Variants in JMJD1C observed in about 807,000 individuals in gnomAD.
The protein encoded by JMJD1C is jumonji domain containing 1C.
In JMJD1C, 31 loss-of-function variants were observed where a neutral mutation model predicts 245.3. The ratio of observed to expected loss-of-function variants is 0.13; its 90% CI spans 0.09 to 0.17. The LOEUF is 0.17. JMJD1C is among the 10% of genes least tolerant of loss of function. JMJD1C has a pLI of 1.00. For synonymous variants in JMJD1C, 1,057 were observed against 1,017.4 expected (o/e 1.04, Z -0.74); for missense variants, 2,691 against 3,000.2 (o/e 0.90, Z 2.41).
chr10:63,510,803 A>G (rs1356892108), intron 1 of JMJD1C, among the ~76,000 whole-genome samples: 1 of 152,240 alleles, frequency 6.6e-6, no homozygotes. Context: ...GTGTCCAATT[A>G]TAATAGTACA....
At chr10:63,406,325 T>A (rs1041792651) in intron 1 of JMJD1C, among the ~76,000 whole-genome samples, 1 of 152,200 alleles carries the variant, frequency 6.6e-6, no homozygotes, top group Non-Finnish European at 1.5e-5. Context: ...GCATCTCCAA[T>A]GTGTGGAAAA....
upstream of JMJD1C, among the ~76,000 whole-genome samples, chr10:63,470,604 G>C (rs913343610): frequency 6.6e-6 from 1 of 152,164 alleles, no homozygotes; most frequent in African/African-American, 2.4e-5. Flanking sequence ...GATCCTATGA[G>C]TGTATATCCA....
chr10:63,256,920 T>C (rs1307370549), intron 3 of JMJD1C, among the ~76,000 whole-genome samples: 1 of 152,144 alleles, frequency 6.6e-6, no homozygotes, highest in Admixed American at 6.6e-5. Context: ...CCTGTCAAAA[T>C]ATAATCCAGA....
chr10:63,318,328 C>G (rs538156603), intron 2 of JMJD1C, among the ~76,000 whole-genome samples: 1 of 152,182 alleles, frequency 6.6e-6, no homozygotes, highest in East Asian at 1.9e-4. Context: ...CCACCCCCAG[C>G]TTGATCTTTT....
In JMJD1C at chr10:63,363,856, T is replaced by TTC. The variant is rs534142923; in HGVS notation, c.333+16461_333+16462insGA. On this transcript the variant is annotated intron_variant, in intron 2 of 25. Transcript: ENST00000399262. ...TACACGCCACCATGCCTGGCTAATT[T>TTC]TTTTTTTTTTTTTTTTTGAGACAGA... Among the ~76,000 whole-genome samples the TTC allele has an allele frequency of 1.0e-4, 15 of 148,088 alleles. No individual in the cohort carries two copies. The South Asian group carries it at 3.3e-3, about 32-fold the overall frequency.
intron 13 of JMJD1C, 141 bp downstream of exon 13, chr10:63,197,267 TCTC>T (rs1265091009): frequency 1.4e-5 from 9 of 656,468 alleles, no homozygotes; most frequent in African/African-American, 9.5e-5. Flanking sequence ...TGTGGTTACT[TCTC>T]CTCTTAAAAA....
intron 5 of JMJD1C, 67 bp from the exon 6 acceptor site, chr10:63,215,763 TTCTTTAC>T (rs1847904499): frequency 9.0e-7 from 1 of 1,109,580 alleles, no homozygotes; most frequent in African/African-American, 1.6e-5. Context: ...TTGGTATAAT[TTCTTTAC>T]TCAGTAGAAA....
chr10:63,415,965 C>T (rs1949776847), intron 1 of JMJD1C, among the ~76,000 whole-genome samples: 1 of 152,124 alleles, frequency 6.6e-6, no homozygotes, highest in Admixed American at 6.5e-5. Context: ...AGCTGAACCC[C>T]CACAACTACA....
At chr10:63,307,857 C>T (rs529204143) in intron 2 of JMJD1C, among the ~76,000 whole-genome samples, 1 of 152,122 alleles carries the variant, frequency 6.6e-6, no homozygotes, top group Admixed American at 6.6e-5. Flanking sequence ...CAAACCAAAA[C>T]TGGGAAATCA....
intron 2 of JMJD1C, among the ~76,000 whole-genome samples, chr10:63,292,187 G>A (rs1858858799): frequency 9.2e-6 from 1 of 108,570 alleles, no homozygotes; most frequent in Non-Finnish European, 1.8e-5. Context: ...TTGAACTCCT[G>A]GTCTCAAGTG....
rs1408814474 is a variant in JMJD1C at position 63,194,437 on chromosome 10, A to G, written c.5645-62T>C. Reference sequence around the variant, plus strand: ...TTTCATAATTATAAATTGATAGTGTAAAGAACTTAACGATTATATAAAATG... The same window carrying G: ...TTTCATAATTATAAATTGATAGTGTGAAGAACTTAACGATTATATAAAATG... On this transcript the variant is annotated intron_variant, in intron 13 of 25. Coordinates refer to ENST00000399262, the MANE Select transcript of JMJD1C (RefSeq NM_032776.3). The G allele has an allele frequency of 6.3e-6, 7 of 1,108,400 alleles. No homozygotes were observed. The East Asian group carries it at 1.7e-4, about 26-fold the overall frequency. The allele number at this position is 1,108,400 out of a possible 1,614,324, so 68.7% of individuals were successfully genotyped here.
intron 2 of JMJD1C, among the ~76,000 whole-genome samples, chr10:63,308,314 G>A (rs144042410): frequency 6.6e-6 from 1 of 152,172 alleles, no homozygotes; most frequent in Non-Finnish European, 1.5e-5. Context: ...CAGTCTAGGA[G>A]ATGATATCTC....
At chr10:63,383,077 T>C (rs1223795917) in intron 1 of JMJD1C, among the ~76,000 whole-genome samples, 2 of 152,296 alleles carry the variant, frequency 1.3e-5, no homozygotes, top group East Asian at 1.9e-4. Flanking sequence ...CAGTGCTGCA[T>C]ACATATAAAG....
chr10:63,230,769 T>C (rs375697097), intron 3 of JMJD1C, among the ~76,000 whole-genome samples: 43 of 136,764 alleles, frequency 3.1e-4, no homozygotes, highest in East Asian at 1.1e-3. Context: ...AGTGAGACTG[T>C]CCCCCCCCCC....
At chr10:63,172,965 G>A (rs949683369) in intron 24 of JMJD1C, among the ~76,000 whole-genome samples, 2 of 150,014 alleles carry the variant, frequency 1.3e-5, no homozygotes, top group Non-Finnish European at 3.0e-5. Context: ...TTTTTAACAA[G>A]GTCACTTTGA....
At chr10:63,216,000 T>A (rs1218510097) in intron 5 of JMJD1C, among the ~76,000 whole-genome samples, 1 of 152,216 alleles carries the variant, frequency 6.6e-6, no homozygotes, top group Non-Finnish European at 1.5e-5. Context: ...TACTTTTTAT[T>A]TTTAAATAGA....
intron 2 of JMJD1C, among the ~76,000 whole-genome samples, chr10:63,360,440 GAT>G (rs1226333917): frequency 2.0e-5 from 3 of 152,166 alleles, no homozygotes; most frequent in Admixed American, 1.3e-4. Flanking sequence ...CTACTCTGTG[GAT>G]ATGTTTTAAT....
intron 3 of JMJD1C, among the ~76,000 whole-genome samples, chr10:63,247,817 A>G (rs1313103873): frequency 6.8e-6 from 1 of 147,210 alleles, no homozygotes; most frequent in East Asian, 2.0e-4. Flanking sequence ...ACTGAATTCT[A>G]TATGAATCAT....
At chr10:63,317,172 T>A (rs531951756) in intron 2 of JMJD1C, among the ~76,000 whole-genome samples, 29 of 151,918 alleles carry the variant, frequency 1.9e-4, no homozygotes, top group South Asian at 4.2e-4. Context: ...GCATTTATCA[T>A]TTCTATGTGC....
Sources: gnomAD v4.1 joint callset for allele counts (sites outside exome capture counted in the v4.1 genomes callset) on GRCh38, gnomAD v4.1.1 for gene constraint, MANE v1.5 for transcripts, NCBI Gene and HGNC (gene_info 2026-07-23, HGNC 2026-07-21) for gene names.